The following NTN4 variants were observed in gnomAD, a reference collection of about 807,000 sequenced individuals.
NTN4 encodes the protein netrin-4.
In NTN4, 32 loss-of-function variants were observed where a neutral mutation model predicts 73.6. That is an observed-to-expected ratio of 0.44 (90% CI 0.33 to 0.58). The LOEUF is 0.58. Among genes scored for constraint, NTN4 ranks in the 20% least tolerant of loss-of-function variants. NTN4 has a pLI of 0.04. For missense variants in NTN4, 654 were observed against 798.3 expected (o/e 0.82, Z 2.18); for synonymous variants, 258 against 287.5 (o/e 0.90, Z 1.04).
At position 95,738,084 on chromosome 12, in the gene NTN4, G is replaced by T; in HGVS notation, c.646C>A (p.Gln216Lys). 1 of 1,614,098 alleles carries T rather than the reference G, an allele frequency of 6.2e-7. No individual in the cohort carries two copies. The change falls in exon 3 of 10, where the codon CAG becomes AAG. Residue 216 changes from glutamine to lysine, a missense_variant. Physicochemically the swap from Gln to Lys is moderately conservative, Grantham distance 53 (BLOSUM62 1). Transcript: ENST00000343702. ...AGGTTGGTGATCTTCAGCTGCTCCT[G>T]AACTTTGGCACTGTAAGGGTTCTCT... ...DTENPYSAKV[Q>K]EQLKITNLRV...
chr12:95,674,349 C>G (rs1387780519), intron 7 of NTN4, among the ~76,000 whole-genome samples: 1 of 152,138 alleles, frequency 6.6e-6, no homozygotes, highest in African/African-American at 2.4e-5. Context: ...AGACATAGGT[C>G]TATTGTTTGA....
intron 5 of NTN4, among the ~76,000 whole-genome samples, chr12:95,693,744 A>G (rs1020299585): frequency 6.6e-6 from 1 of 151,666 alleles, no homozygotes; most frequent in Non-Finnish European, 1.5e-5. Context: ...TGAAAAAAAA[A>G]AAAAAAAGAA....
intron 5 of NTN4, among the ~76,000 whole-genome samples, chr12:95,688,411 A>G (rs759795337): frequency 2.0e-5 from 3 of 152,280 alleles, no homozygotes; most frequent in South Asian, 2.1e-4. Context: ...ATTCACAAAG[A>G]TCTAGAAGAG....
intron 3 of NTN4, among the ~76,000 whole-genome samples, chr12:95,734,504 T>C (rs1286352977): frequency 6.6e-6 from 1 of 152,198 alleles, no homozygotes; most frequent in Non-Finnish European, 1.5e-5. Context: ...GCTAAAAATT[T>C]AGATTTGTGT....
chr12:95,735,905 T>TTTTA (rs201591613), intron 3 of NTN4, among the ~76,000 whole-genome samples: 23,810 of 100,892 alleles, frequency 0.24, 2,218 homozygotes, highest in Admixed American at 0.3. Flanking sequence ...TTTTTTAAAT[T>TTTTA]TTTATTTATT....
intron 3 of NTN4, among the ~76,000 whole-genome samples, chr12:95,723,672 C>G (rs2078667384): frequency 6.6e-6 from 1 of 151,578 alleles, no homozygotes; most frequent in South Asian, 2.1e-4. Context: ...CCACCACACC[C>G]GGCTAATTTT....
intron 3 of NTN4, among the ~76,000 whole-genome samples, chr12:95,727,071 A>G (rs1291086831): frequency 6.6e-6 from 1 of 152,184 alleles, no homozygotes; most frequent in Non-Finnish European, 1.5e-5. Context: ...CAACTTTTCC[A>G]TATCATCCCC....
At chr12:95,769,905 C>T (rs146752466) in intron 2 of NTN4, among the ~76,000 whole-genome samples, 2,345 of 152,042 alleles carry the variant, frequency 0.015, 68 homozygotes, top group African/African-American at 0.053. Context: ...TATAAGCTTG[C>T]GCCACCACAC....
At chr12:95,728,033 C>G in intron 3 of NTN4, among the ~76,000 whole-genome samples, 1 of 151,902 alleles carries the variant, frequency 6.6e-6, no homozygotes, top group Non-Finnish European at 1.5e-5. Context: ...AAGTTTATTT[C>G]TCTCTATTTT....
At chr12:95,743,997 G>A (rs915824313) in intron 2 of NTN4, among the ~76,000 whole-genome samples, 8 of 152,114 alleles carry the variant, frequency 5.3e-5, no homozygotes, top group African/African-American at 1.9e-4. Context: ...CACCTCCTGG[G>A]TTCAAGTGAT....
At chr12:95,772,512 T>G (rs2079064752) in intron 2 of NTN4, among the ~76,000 whole-genome samples, 1 of 152,186 alleles carries the variant, frequency 6.6e-6, no homozygotes, top group Non-Finnish European at 1.5e-5. Flanking sequence ...TCCAGCCAGC[T>G]TTTCTGAACT....
At chr12:95,783,782 C>G (rs773127407) in intron 2 of NTN4, among the ~76,000 whole-genome samples, 17 of 152,312 alleles carry the variant, frequency 1.1e-4, no homozygotes, top group Non-Finnish European at 1.6e-4. Context: ...TTTGAAAGAG[C>G]TGGGCAGTTT....
chr12:95,715,800 C>T (rs2078600980), intron 3 of NTN4, among the ~76,000 whole-genome samples: 1 of 152,016 alleles, frequency 6.6e-6, no homozygotes, highest in Non-Finnish European at 1.5e-5. Flanking sequence ...TCAGTGTTCT[C>T]TCTCATCATG....
At chr12:95,720,830 T>C (rs1004466278) in intron 3 of NTN4, among the ~76,000 whole-genome samples, 2 of 152,166 alleles carry the variant, frequency 1.3e-5, no homozygotes, top group African/African-American at 4.8e-5. Flanking sequence ...TGATGATAAA[T>C]AACAACAACA....
At chr12:95,787,701 A>G (rs988619818) in intron 1 of NTN4, among the ~76,000 whole-genome samples, 6 of 152,188 alleles carry the variant, frequency 3.9e-5, no homozygotes, top group Non-Finnish European at 8.8e-5. Context: ...TTTGCTTTTC[A>G]TGTTCAGATG....
At chr12:95,706,079 C>T (rs2078520062) in intron 5 of NTN4, among the ~76,000 whole-genome samples, 1 of 152,136 alleles carries the variant, frequency 6.6e-6, no homozygotes, top group Non-Finnish European at 1.5e-5. Context: ...GGAACCAAAA[C>T]CTATAGAACT....
Position 95,713,268 on chromosome 12 carries a change from T to C in NTN4, c.935A>G (p.Asn312Ser), listed in dbSNP as rs948602336. The change falls in exon 4 of 10, where the codon AAT (asparagine) becomes AGT (serine). Residue 312 changes from asparagine to serine, a missense_variant. Transcript: ENST00000343702. ...ATCAGCTGCCTCCCATGGCCGGTCA[T>C]TGTATAACGGGGCACAGTGCTGGCA... ...SHCQHCAPLY[N>S]DRPWEAADGK... The C allele has an allele frequency of 3.1e-6, 5 of 1,613,700 alleles. No homozygotes were observed. The highest frequency in any genetic ancestry group is 4.2e-6 in the Non-Finnish European group (5 of 1,179,634).
intron 3 of NTN4, among the ~76,000 whole-genome samples, chr12:95,723,750 G>A (rs1302248098): frequency 6.6e-6 from 1 of 152,174 alleles, no homozygotes; most frequent in East Asian, 1.9e-4. Context: ...TACCTCAGGT[G>A]ATCTGCACAC....
At chr12:95,686,631 G>A (rs1016330807) in intron 5 of NTN4, among the ~76,000 whole-genome samples, 4 of 151,924 alleles carry the variant, frequency 2.6e-5, no homozygotes, top group African/African-American at 4.8e-5. Flanking sequence ...GATGGTGCAC[G>A]CCTGTAGTCC....
Sources: gnomAD v4.1 joint callset for allele counts (sites outside exome capture counted in the v4.1 genomes callset) on GRCh38, gnomAD v4.1.1 for gene constraint, MANE v1.5 for transcripts, NCBI Gene and HGNC (gene_info 2026-07-23, HGNC 2026-07-21) for gene names.